FNDC3B: variants seen among roughly 807,000 people sequenced by gnomAD.
FNDC3B encodes the protein fibronectin type III domain containing 3B.
Under a neutral mutation model 151.5 loss-of-function variants are expected in FNDC3B, and 12 were observed. The observed-to-expected ratio is 0.08, with a 90% CI of 0.05 to 0.13. The LOEUF is 0.13. Among genes scored for constraint, FNDC3B ranks in the 10% least tolerant of loss-of-function variants. The pLI, the probability that FNDC3B is intolerant of heterozygous loss-of-function variation, is 1.00. For missense variants in FNDC3B, 1,214 were observed against 1,505.3 expected (o/e 0.81, Z 3.20); for synonymous variants, 528 against 549.0 (o/e 0.96, Z 0.54).
intron 6 of FNDC3B, among the ~76,000 whole-genome samples, chr3:172,259,239 A>G (rs1452272499): frequency 5.3e-5 from 8 of 152,300 alleles, no homozygotes; most frequent in Admixed American, 4.6e-4. Flanking sequence ...AACAAGCCCA[A>G]ATAACTTTTA....
At chr3:172,135,980 T>TGC (rs1721339186) in intron 3 of FNDC3B, among the ~76,000 whole-genome samples, 1 of 152,190 alleles carries the variant, frequency 6.6e-6, no homozygotes, top group Admixed American at 6.5e-5. Flanking sequence ...TTGCTAACAT[T>TGC]TATTCATCTC....
chr3:172,189,830 A>T lies in FNDC3B; in HGVS notation c.188-37041A>T, dbSNP rs1475223678. On this transcript the variant is annotated intron_variant, in intron 3 of 25. Transcript: ENST00000415807. Reference sequence around the variant, plus strand: ...AAAAAAAAAAAAAAAAAAAAAAAAAAAATCATGTCATTCAGTCATGTTTTT... The same window carrying T: ...AAAAAAAAAAAAAAAAAAAAAAAAATAATCATGTCATTCAGTCATGTTTTT... Among the ~76,000 whole-genome samples the T allele has an allele frequency of 1.1e-4, 16 of 144,710 alleles. No individual in the cohort carries two copies. The South Asian group carries it at 3.4e-3, about 31-fold the overall frequency. The allele number at this position is 144,710 out of a possible 152,430, so 94.9% of individuals were successfully genotyped here.
intron 2 of FNDC3B, among the ~76,000 whole-genome samples, chr3:172,128,008 C>T (rs572211299): frequency 3.3e-5 from 5 of 152,284 alleles, no homozygotes; most frequent in East Asian, 1.9e-4. Context: ...AGTATTAAAA[C>T]TTTTGGAGTA....
chr3:172,148,848 A>G (rs1722067077), intron 3 of FNDC3B, among the ~76,000 whole-genome samples: 1 of 152,210 alleles, frequency 6.6e-6, no homozygotes, highest in Non-Finnish European at 1.5e-5. Context: ...TGCTGGTATC[A>G]GCAATTAACA....
At chr3:172,297,915 A>G (rs1213681854) in intron 8 of FNDC3B, among the ~76,000 whole-genome samples, 1 of 152,212 alleles carries the variant, frequency 6.6e-6, no homozygotes, top group Non-Finnish European at 1.5e-5. Context: ...TCTGTTGTCT[A>G]TATTCCAGCT....
chr3:172,049,387 G>A (rs1716523131), intron 1 of FNDC3B, among the ~76,000 whole-genome samples: 1 of 152,146 alleles, frequency 6.6e-6, no homozygotes, highest in African/African-American at 2.4e-5. Context: ...ATATTGAGAT[G>A]AATCAGGGAG....
At chr3:172,372,202 G>A (rs184944968) in intron 23 of FNDC3B, among the ~76,000 whole-genome samples, 2 of 152,266 alleles carry the variant, frequency 1.3e-5, no homozygotes, top group Admixed American at 1.3e-4. Flanking sequence ...CTGCACAGTG[G>A]AGCCCCACAG....
intron 1 of FNDC3B, among the ~76,000 whole-genome samples, chr3:172,060,287 T>C (rs2108470493): frequency 6.6e-6 from 1 of 152,260 alleles, no homozygotes; most frequent in Admixed American, 6.5e-5. Context: ...TGTCAGTCAG[T>C]CCTGTTGCTA....
At chr3:172,086,020 C>T (rs569790202) in intron 1 of FNDC3B, among the ~76,000 whole-genome samples, 5 of 152,228 alleles carry the variant, frequency 3.3e-5, no homozygotes, top group Admixed American at 6.5e-5. Flanking sequence ...AGTGATATTT[C>T]ATCCAGGAGA....
At chr3:172,151,520 AG>A (rs1722221255) in intron 3 of FNDC3B, among the ~76,000 whole-genome samples, 1 of 152,142 alleles carries the variant, frequency 6.6e-6, no homozygotes, top group Non-Finnish European at 1.5e-5. Flanking sequence ...CTTTGGATCT[AG>A]CCCATCTACC....
rs1560089040 is a variant in FNDC3B at position 172,341,220 on chromosome 3, G to A, written c.1960G>A (p.Gly654Arg). ...KLRACCISTGGHSQCSESLPV... is the reference protein window; with the variant it reads ...KLRACCISTGRHSQCSESLPV... ...CCGAGCATGCTGCATCAGTACCGGCGGACACAGCCAGGTTGGTTTTGTTTC... is the reference window on the plus strand; with the variant it reads ...CCGAGCATGCTGCATCAGTACCGGCAGACACAGCCAGGTTGGTTTTGTTTC... Residue 654 changes from glycine to arginine, a missense_variant, in exon 17 of 26, where the codon GGA becomes AGA. Around this residue, in one of 7 missense-constraint regions of FNDC3B, gnomAD observed 380 missense variants for 420.9 expected, o/e 0.90. Coordinates refer to ENST00000415807, the MANE Select transcript of FNDC3B (RefSeq NM_022763.4). 7.4e-6 allele frequency: 12 copies of A among 1,613,392 alleles called. No homozygotes were observed. The highest frequency in any genetic ancestry group is 1.0e-5 in the Non-Finnish European group (12 of 1,179,476).
chr3:172,220,937 T>A (rs1214013340), intron 3 of FNDC3B, among the ~76,000 whole-genome samples: 2 of 148,892 alleles, frequency 1.3e-5, no homozygotes, highest in African/African-American at 2.5e-5. Flanking sequence ...TAAAAAAAAA[T>A]AAATAAATCT....
In FNDC3B at chr3:172,040,943, G is replaced by T. The variant is rs1447364932; in HGVS notation, c.-29+1172G>T. 1.3e-5 allele frequency among the ~76,000 whole-genome samples: 2 copies of T among 152,216 alleles called. No individual in the cohort carries two copies. Among genetic ancestry groups the T allele is most frequent in the African/African-American group, 4.8e-5 (2 of 41,466 alleles). On this transcript the variant is annotated intron_variant, in intron 1 of 25. Transcript: ENST00000415807. The surrounding 1 kb of genome is among the most constrained non-coding windows in gnomAD (Gnocchi z 6.6). ...CCAGGAGTGCGCGGTCGGAGTTGGAGCTTTTGGAATCTCAGCTCCCACCCT... is the reference window on the plus strand; with the variant it reads ...CCAGGAGTGCGCGGTCGGAGTTGGATCTTTTGGAATCTCAGCTCCCACCCT...
At chr3:172,361,902 A>G (rs1345878604) in intron 22 of FNDC3B, among the ~76,000 whole-genome samples, 2 of 152,266 alleles carry the variant, frequency 1.3e-5, no homozygotes, top group Middle Eastern at 3.4e-3. Flanking sequence ...AAACTCCTGG[A>G]CTCAGGCAAT....
intron 3 of FNDC3B, among the ~76,000 whole-genome samples, chr3:172,143,003 G>T (rs1390948166): frequency 6.6e-6 from 1 of 151,982 alleles, no homozygotes; most frequent in Non-Finnish European, 1.5e-5. Flanking sequence ...TCATGAATGG[G>T]GATTAGTGTC....
chr3:172,222,846 G>A (rs76047624), intron 3 of FNDC3B, among the ~76,000 whole-genome samples: 6,340 of 152,260 alleles, frequency 0.042, 171 homozygotes, highest in South Asian at 0.11. Context: ...TGGTAGCAGG[G>A]AAGAAACAGA....
At position 172,040,055 on chromosome 3, in the gene FNDC3B, A is replaced by G. The variant is rs981911682; in HGVS notation, c.-29+284A>G. Among the ~76,000 whole-genome samples the G allele has an allele frequency of 6.6e-6, 1 of 151,990 alleles. No homozygotes were observed. Among genetic ancestry groups the G allele is most frequent in the Non-Finnish European group, 1.5e-5 (1 of 67,962 alleles). ...CCTGCCTCAGGGTTTGGAGGAGTGAAAGAAACGGGTAGATTCCTCTTAAAA... is the reference window on the plus strand; with the variant it reads ...CCTGCCTCAGGGTTTGGAGGAGTGAGAGAAACGGGTAGATTCCTCTTAAAA... On this transcript the variant is annotated intron_variant, in intron 1 of 25. Transcript: ENST00000415807. The surrounding 1 kb of genome is among the most constrained non-coding windows in gnomAD (Gnocchi z 6.6).
At chr3:172,392,215 A>G (rs994028097) in intron 25 of FNDC3B, among the ~76,000 whole-genome samples, 4 of 152,242 alleles carry the variant, frequency 2.6e-5, no homozygotes, top group Non-Finnish European at 4.4e-5. Flanking sequence ...GTTTGCTTAC[A>G]GCTCTTCTTA....
chr3:172,164,612 T>A (rs1722920855), intron 3 of FNDC3B, among the ~76,000 whole-genome samples: 1 of 152,222 alleles, frequency 6.6e-6, no homozygotes. Context: ...ATTATTTAAG[T>A]GCGAAGAAAT....
Sources: gnomAD v4.1 joint callset for allele counts (sites outside exome capture counted in the v4.1 genomes callset) on GRCh38, gnomAD v4.1.1 for gene constraint, gnomAD v4.1.1 regional missense constraint, Gnocchi (gnomAD v3.1) non-coding constraint, MANE v1.5 for transcripts, NCBI Gene and HGNC (gene_info 2026-07-23, HGNC 2026-07-21) for gene names.